Variants in RACGAP1 observed in about 807,000 individuals in gnomAD.
RACGAP1 encodes rac GTPase-activating protein 1.
In RACGAP1, 30 loss-of-function variants were observed where a neutral mutation model predicts 78.1. The observed-to-expected ratio is 0.38, with a 90% CI of 0.29 to 0.52. The LOEUF (loss-of-function observed/expected upper bound fraction) is 0.52. Ranked by LOEUF, RACGAP1 falls within the 20% of genes least tolerant of loss-of-function variation. The pLI, the probability that RACGAP1 is intolerant of heterozygous loss-of-function variation, is 0.82. For missense variants in RACGAP1, 587 were observed against 777.1 expected (o/e 0.76, Z 2.91); for synonymous variants, 231 against 264.8 (o/e 0.87, Z 1.24).
At chr12:50,002,165 G>T in intron 6 of RACGAP1, 82 bp downstream of exon 6, 1 of 1,045,846 alleles carries the variant, frequency 9.6e-7, no homozygotes, top group Non-Finnish European at 1.5e-6. Context: ...AACATGACAG[G>T]AATGCAGTAT....
intron 12 of RACGAP1, among the ~76,000 whole-genome samples, chr12:49,993,685 T>C (rs1287061910): frequency 8.0e-6 from 1 of 124,696 alleles, no homozygotes; most frequent in East Asian, 2.3e-4. Context: ...GGAGGCGGAG[T>C]TTGCAGTGAG....
rs1948837545 is a variant in RACGAP1, at chr12:50,004,136, T to C, written c.495+99A>G. ...ATCTATAACACATCAACTAATAAAA[T>C]AGTAATATAGGATGTTCAGAAGAGA... On this transcript the variant is annotated intron_variant, in intron 5 of 16. Coordinates refer to ENST00000312377, the MANE Select transcript of RACGAP1 (RefSeq NM_001319999.2). The C allele has an allele frequency of 5.6e-6, 8 of 1,421,272 alleles. No individual in the cohort carries two copies. The South Asian group carries it at 9.6e-5, about 17-fold the overall frequency. 88.0% of individuals were successfully genotyped at this position (1,421,272 alleles called of 1,614,324 possible). A position where few individuals can be genotyped will look rare whatever the true frequency, so the allele number is the denominator to read the frequency against.
intron 16 of RACGAP1, 87 bp downstream of exon 16, chr12:49,990,597 C>T (rs1233345543): frequency 9.0e-7 from 1 of 1,111,274 alleles, no homozygotes; most frequent in Non-Finnish European, 1.3e-6. Flanking sequence ...AAATCGAATG[C>T]AATTTTTCTT....
At chr12:49,990,845 T>C (rs1389543307) in intron 15 of RACGAP1, 53 bp from the exon 16 acceptor site, 3 of 1,387,328 alleles carry the variant, frequency 2.2e-6, no homozygotes, top group Middle Eastern at 3.5e-4. Context: ...AAGGCATCTT[T>C]TTAGATGGCT....
intron 10 of RACGAP1, among the ~76,000 whole-genome samples, chr12:49,996,298 G>A (rs528645557): frequency 6.6e-6 from 1 of 151,230 alleles, no homozygotes; most frequent in African/African-American, 2.4e-5. Flanking sequence ...TGGACAACAG[G>A]GAAACTCTGT....
At position 50,002,287 on chromosome 12, in the gene RACGAP1, G is replaced by A. The variant is rs768771315; in HGVS notation, c.509C>T (p.Ser170Phe). Residue 170 changes from serine (S) to phenylalanine (F), a missense_variant, in exon 6 of 17, where the codon TCT (serine) becomes TTT (phenylalanine). Coordinates refer to ENST00000312377, the MANE Select transcript of RACGAP1 (RefSeq NM_001319999.2). ...CTTCAGTTTGAAAGTCTTCACCAAA[G>A]AAGAGTCCCAATCCTGTTGACAATT... ...KTDESLDWDS[S>F]LVKTFKLKKR... The A allele has an allele frequency of 1.4e-5, 23 of 1,613,298 alleles. No individual in the cohort carries two copies. The highest frequency in any genetic ancestry group is 8.8e-5 in the South Asian group (8 of 91,042).
chr12:50,033,267 G>A (rs552649312), upstream of RACGAP1: 30 of 152,638 alleles, frequency 2.0e-4, no homozygotes, highest in African/African-American at 7.2e-4. Context: ...GCTAAGCCCA[G>A]GGGCGGGGGT....
In RACGAP1 at chr12:49,992,998, G is replaced by A. The variant is rs76357368; in HGVS notation, c.1340-343C>T. ...CTACGATGTGCCAGGTACAAGTGCT[G>A]AGGATAAAGCAGAAGTAAACAAAGC... On this transcript the variant is annotated intron_variant, in intron 12 of 16. Coordinates refer to ENST00000312377, the MANE Select transcript of RACGAP1 (RefSeq NM_001319999.2). Among the ~76,000 whole-genome samples, 1,217 of 152,294 alleles carry A rather than the reference G, an allele frequency of 8.0e-3. 16 individuals carry two copies. Among genetic ancestry groups the A allele is most frequent in the African/African-American group, 0.028 (1,146 of 41,556 alleles).
chr12:49,997,949 A>G (rs905765595), intron 9 of RACGAP1, among the ~76,000 whole-genome samples: 2 of 152,220 alleles, frequency 1.3e-5, no homozygotes, highest in African/African-American at 4.8e-5. Flanking sequence ...ACATATTTAC[A>G]TATGTAATTC....
intron 1 of RACGAP1, among the ~76,000 whole-genome samples, chr12:50,018,057 CT>C (rs1261019270): frequency 1.3e-5 from 2 of 150,878 alleles, no homozygotes; most frequent in East Asian, 3.9e-4. Context: ...ACTTGGGAGG[CT>C]GAGGCAGGAG....
intron 2 of RACGAP1, among the ~76,000 whole-genome samples, chr12:50,008,966 A>G (rs1441008102): frequency 1.3e-5 from 2 of 152,074 alleles, no homozygotes; most frequent in African/African-American, 4.8e-5. Context: ...CCTGCCATGA[A>G]GTGCACATTA....
chr12:49,989,928 T>TC lies in RACGAP1; in HGVS notation c.*339dup, dbSNP rs921635721. Reference sequence around the variant, plus strand: ...AGTTCTAAATGAAACTAGAGAAAGATCATTCTATGAGCAGCATTTGGCTTT... The same window carrying TC: ...AGTTCTAAATGAAACTAGAGAAAGATCCATTCTATGAGCAGCATTTGGCTTT... On this transcript the variant is annotated 3_prime_UTR_variant, in exon 17 of 17. Coordinates refer to ENST00000312377, the MANE Select transcript of RACGAP1 (RefSeq NM_001319999.2). The TC allele has an allele frequency of 9.4e-6, 2 of 212,098 alleles. No homozygotes were observed. The highest frequency in any genetic ancestry group is 4.6e-5 in the African/African-American group (2 of 43,724). The allele number at this position is 212,098 out of a possible 1,614,324, so 13.1% of individuals were successfully genotyped here.
intron 1 of RACGAP1, chr12:50,018,688 G>T: frequency 2.1e-6 from 1 of 479,062 alleles, no homozygotes; most frequent in Non-Finnish European, 3.3e-6. Flanking sequence ...CTATAAGACA[G>T]CTCAATACCA....
At chr12:50,025,019 G>A (rs951984699) in intron 1 of RACGAP1, among the ~76,000 whole-genome samples, 2 of 151,640 alleles carry the variant, frequency 1.3e-5, no homozygotes, top group African/African-American at 4.9e-5. Flanking sequence ...AGGCCGCCCG[G>A]GCCTCTCAAA....
intron 1 of RACGAP1, among the ~76,000 whole-genome samples, chr12:50,021,645 T>C (rs778860676): frequency 2.6e-5 from 4 of 152,136 alleles, no homozygotes; most frequent in African/African-American, 4.8e-5. Context: ...ATATATCAGG[T>C]TTTTTAGATG....
chr12:50,002,267 G>A lies in RACGAP1; in HGVS notation c.529C>T (p.Leu177=). The A allele has an allele frequency of 1.2e-5, 20 of 1,613,290 alleles. No individual in the cohort carries two copies. Among genetic ancestry groups the A allele is most frequent in the Non-Finnish European group, 1.7e-5 (20 of 1,179,560 alleles). ...CATACCCTCTTTTCTCTCTTCTTCA[G>A]TTTGAAAGTCTTCACCAAAGAAGAG... ...WDSSLVKTFK[L]KKREKRRSTS... is the part of the protein sequence containing the mutation. Residue 177 remains leucine, a synonymous_variant, in exon 6 of 17, where the codon CTG becomes TTG. Coordinates refer to ENST00000312377, the MANE Select transcript of RACGAP1 (RefSeq NM_001319999.2).
chr12:50,031,753 C>T, exon 2 of RACGAP1: 1 of 985,478 alleles, frequency 1.0e-6, no homozygotes, highest in Non-Finnish European at 1.2e-6. Flanking sequence ...TTGGCATAAA[C>T]TCCCGCAGCA....
rs1947910110 is a variant in RACGAP1 at position 49,991,942 on chromosome 12, A to G, written c.1714+56T>C. 1.9e-6 allele frequency: 3 copies of G among 1,595,730 alleles called. No homozygotes were observed. The East Asian group carries it at 6.7e-5, about 36-fold the overall frequency. Reference sequence around the variant, plus strand: ...TCTAGCAAAGGCAGGAAGAGGTCATATGACTAAAACTAAAGAGAGAGTCAA... The same window carrying G: ...TCTAGCAAAGGCAGGAAGAGGTCATGTGACTAAAACTAAAGAGAGAGTCAA... On this transcript the variant is annotated intron_variant, in intron 15 of 16. Coordinates refer to ENST00000312377, the MANE Select transcript of RACGAP1 (RefSeq NM_001319999.2).
intron 1 of RACGAP1, among the ~76,000 whole-genome samples, chr12:50,032,220 A>G (rs556585056): frequency 6.6e-6 from 1 of 152,214 alleles, no homozygotes; most frequent in Middle Eastern, 3.2e-3. Context: ...TTATCCTTAT[A>G]AAACACTTAG....
Sources: allele counts gnomAD v4.1 joint callset (sites outside exome capture counted in the v4.1 genomes callset), GRCh38; gene constraint gnomAD v4.1.1; transcripts MANE v1.5; gene names NCBI Gene and HGNC (gene_info 2026-07-23, HGNC 2026-07-21).